ANKRD17: variants seen among roughly 807,000 people sequenced by gnomAD.
ANKRD17 encodes the protein ankyrin repeat domain 17, also known as ankyrin repeat domain-containing protein 17.
Under a neutral mutation model 229.7 loss-of-function variants are expected in ANKRD17, and 19 were observed. That is an observed-to-expected ratio of 0.08 (90% CI 0.06 to 0.12). The LOEUF is 0.12. ANKRD17 is among the 10% of genes least tolerant of loss of function. The pLI is 1.00. For synonymous variants in ANKRD17, 1,112 were observed against 1,146.1 expected (o/e 0.97, Z 0.60); for missense variants, 2,176 against 3,176.8 (o/e 0.68, Z 7.57).
intron 18 of ANKRD17, among the ~76,000 whole-genome samples, chr4:73,122,414 AT>A (rs1726863934): frequency 6.6e-6 from 1 of 152,236 alleles, no homozygotes; most frequent in East Asian, 1.9e-4. Context: ...AATTTTAGCC[AT>A]TCTAGTGGAT....
intron 24 of ANKRD17, among the ~76,000 whole-genome samples, chr4:73,109,315 CTT>C (rs902989737): frequency 1.4e-5 from 2 of 141,534 alleles, no homozygotes; most frequent in African/African-American, 5.1e-5. Context: ...AAAAAAAAAA[CTT>C]TATCTAGTCA....
At chr4:73,126,468 TA>T (rs879637644) in intron 16 of ANKRD17, among the ~76,000 whole-genome samples, 45 of 145,986 alleles carry the variant, frequency 3.1e-4, no homozygotes, top group Admixed American at 4.8e-4. Context: ...CCTTGAAATT[TA>T]AAAAAAAAAA....
chr4:73,232,336 T>G (rs943711396), intron 1 of ANKRD17, among the ~76,000 whole-genome samples: 2 of 152,210 alleles, frequency 1.3e-5, no homozygotes, highest in African/African-American at 4.8e-5. Context: ...TTTCTATACT[T>G]GGTCCTTAGT....
At chr4:73,189,102 A>G (rs1051792268) in intron 1 of ANKRD17, among the ~76,000 whole-genome samples, 1 of 152,136 alleles carries the variant, frequency 6.6e-6, no homozygotes, top group African/African-American at 2.4e-5. Flanking sequence ...TAGCATTATT[A>G]TAACATTTAA....
At position 73,097,228 on chromosome 4, in the gene ANKRD17, G is replaced by A. The variant is rs747214070; in HGVS notation, c.5066C>T (p.Thr1689Ile). ...GGGAGATGGACCAGATTTTGTACAA[G>A]TAGATAGAGAATTACTGGTCCCTTC... ...ISEGTSNSLS[T>I]CTKSGPSPLS... Residue 1689 changes from threonine to isoleucine, a missense_variant, in exon 27 of 34, where the codon ACT becomes ATT. Coordinates refer to ENST00000358602, the MANE Select transcript of ANKRD17 (RefSeq NM_032217.5). The A allele has an allele frequency of 2.2e-5, 36 of 1,605,676 alleles. No individual in the cohort carries two copies. Among genetic ancestry groups the A allele is most frequent in the South Asian group, 3.4e-5 (3 of 89,332 alleles).
intron 24 of ANKRD17, chr4:73,113,320 G>C (rs954589799): frequency 3.1e-6 from 4 of 1,289,192 alleles, no homozygotes; most frequent in Non-Finnish European, 4.0e-6. Flanking sequence ...GCCTGAAAGA[G>C]AAAAGTACAA....
At chr4:73,113,279 A>C in intron 24 of ANKRD17, 4 of 1,289,340 alleles carry the variant, frequency 3.1e-6, no homozygotes, top group Non-Finnish European at 4.0e-6. Context: ...TTTACTCCCC[A>C]TGGGAATAGA....
intron 24 of ANKRD17, chr4:73,113,295 A>C (rs1298669249): frequency 1.6e-6 from 2 of 1,289,322 alleles, no homozygotes; most frequent in Non-Finnish European, 1.0e-6. Flanking sequence ...ATAGATGGGA[A>C]TGATGTTGTA....
chr4:73,098,030 CATG>C (rs760838457), intron 26 of ANKRD17, 40 bp downstream of exon 26: 4 of 1,514,780 alleles, frequency 2.6e-6, no homozygotes, highest in Non-Finnish European at 3.6e-6. Flanking sequence ...TAAGGTATTT[CATG>C]ATGACACTAT....
chr4:73,110,753 T>A (rs1725211236), intron 24 of ANKRD17, among the ~76,000 whole-genome samples: 1 of 152,230 alleles, frequency 6.6e-6, no homozygotes, highest in African/African-American at 2.4e-5. Context: ...GGCTTCTCTA[T>A]AATTAAAAAT....
chr4:73,089,312 G>A (rs1034379842), intron 29 of ANKRD17, among the ~76,000 whole-genome samples: 5 of 151,640 alleles, frequency 3.3e-5, no homozygotes, highest in East Asian at 1.9e-4. Context: ...CTGGGATTAC[G>A]GGCACAAGCC....
chr4:73,122,861 A>C (rs530588042), intron 18 of ANKRD17, among the ~76,000 whole-genome samples: 1 of 152,222 alleles, frequency 6.6e-6, no homozygotes, highest in South Asian at 2.1e-4. Context: ...AAATTTCTCA[A>C]GTTTTCTCAA....
intron 6 of ANKRD17, among the ~76,000 whole-genome samples, chr4:73,152,448 CCTT>C (rs899430196): frequency 5.3e-5 from 8 of 152,204 alleles, no homozygotes; most frequent in African/African-American, 1.9e-4. Context: ...CCTAACTCCT[CCTT>C]GTCAGTCTAT....
chr4:73,250,687 T>TG (rs1744937112), intron 1 of ANKRD17, among the ~76,000 whole-genome samples: 1 of 149,230 alleles, frequency 6.7e-6, no homozygotes, highest in Non-Finnish European at 1.5e-5. Flanking sequence ...CTGTAACGGT[T>TG]TTTGTTGTTG....
intron 5 of ANKRD17, among the ~76,000 whole-genome samples, chr4:73,155,372 G>A (rs992245035): frequency 6.6e-6 from 1 of 152,172 alleles, no homozygotes; most frequent in Non-Finnish European, 1.5e-5. Flanking sequence ...TTCCAAGAGA[G>A]TGGTCCATCT....
At chr4:73,137,514 T>C (rs1004919082) in intron 15 of ANKRD17, among the ~76,000 whole-genome samples, 2 of 152,042 alleles carry the variant, frequency 1.3e-5, no homozygotes, top group Non-Finnish European at 2.9e-5. Flanking sequence ...AAGAAAGAAG[T>C]GGAAATCATC....
In ANKRD17 at chr4:73,113,784, A is replaced by T; in HGVS notation, c.4401+8T>A. 1 of 1,601,948 alleles carries T rather than the reference A, an allele frequency of 6.2e-7. No homozygotes were observed. On this transcript the variant is annotated splice_region_variant and intron_variant, in intron 24 of 33. Coordinates refer to ENST00000358602, the MANE Select transcript of ANKRD17 (RefSeq NM_032217.5). ...TGGGTAGTTTTCATGTGTAAAGATTATTGTTACCTTTTCCAAGTCTAACTC... is the reference window on the plus strand; with the variant it reads ...TGGGTAGTTTTCATGTGTAAAGATTTTTGTTACCTTTTCCAAGTCTAACTC...
intron 1 of ANKRD17, among the ~76,000 whole-genome samples, chr4:73,209,912 T>C (rs1210612055): frequency 6.6e-6 from 1 of 152,104 alleles, no homozygotes; most frequent in Non-Finnish European, 1.5e-5. Flanking sequence ...TAAAAATCCT[T>C]AGCAAACTAG....
chr4:73,191,341 A>ATGTGTGTGTGTGTG (rs71655741), intron 1 of ANKRD17, among the ~76,000 whole-genome samples: 4,347 of 125,174 alleles, frequency 0.035, 121 homozygotes, highest in African/African-American at 0.052. Context: ...AAAAATATAT[A>ATGTGTGTGTGTGTG]TGTGTGTGTG....
Sources: gnomAD v4.1 joint callset for allele counts (sites outside exome capture counted in the v4.1 genomes callset) on GRCh38, gnomAD v4.1.1 for gene constraint, MANE v1.5 for transcripts, NCBI Gene and HGNC (gene_info 2026-07-23, HGNC 2026-07-21) for gene names.